The following CAMSAP2 variants were observed in gnomAD, a reference collection of about 807,000 sequenced individuals.
The protein encoded by CAMSAP2 is calmodulin-regulated spectrin-associated protein 2.
A neutral mutation model predicts 146.1 loss-of-function variants in CAMSAP2; 26 were observed. The observed-to-expected ratio is 0.18, with a 90% CI of 0.13 to 0.25. The LOEUF (loss-of-function observed/expected upper bound fraction) is 0.25, where lower values mean the gene tolerates loss of function less well. Among genes scored for constraint, CAMSAP2 ranks in the 10% least tolerant of loss-of-function variants. The pLI, the probability that CAMSAP2 is intolerant of heterozygous loss-of-function variation, is 1.00. For missense variants in CAMSAP2, 1,381 were observed against 1,759.3 expected (o/e 0.78, Z 3.85); for synonymous variants, 499 against 596.6 (o/e 0.84, Z 2.38).
chr1:200,828,264 A>G (rs1666953142), intron 4 of CAMSAP2, among the ~76,000 whole-genome samples: 1 of 152,148 alleles, frequency 6.6e-6, no homozygotes, highest in South Asian at 2.1e-4. Flanking sequence ...TTATTTTTTA[A>G]TATGACATAT....
rs192595264 is a variant in CAMSAP2, at chr1:200,843,941, G to A, written c.1022-841G>A. On this transcript the variant is annotated intron_variant, in intron 7 of 16. Coordinates refer to ENST00000358823, the MANE Select transcript of CAMSAP2 (RefSeq NM_203459.4). The stretch of plus-strand genomic sequence containing the variant: ...GGCTGGAGTGCAGTGGCACAATCTC[G>A]GCTCACTGCAGGCTCCATCTCCCAG... 2.7e-3 allele frequency among the ~76,000 whole-genome samples: 409 copies of A among 151,686 alleles called. 3 individuals are homozygous for A. The highest frequency in any genetic ancestry group is 9.0e-3 in the African/African-American group (373 of 41,344).
intron 2 of CAMSAP2, among the ~76,000 whole-genome samples, chr1:200,784,188 A>G (rs1277571560): frequency 6.6e-6 from 1 of 152,156 alleles, no homozygotes; most frequent in East Asian, 1.9e-4. Context: ...TAGCTTCATA[A>G]TAAGTCTTGA....
intron 4 of CAMSAP2, among the ~76,000 whole-genome samples, chr1:200,828,078 C>T (rs1188856646): frequency 6.6e-6 from 1 of 151,972 alleles, no homozygotes; most frequent in Non-Finnish European, 1.5e-5. Flanking sequence ...AGGAAATGAT[C>T]ATCTTGATAT....
chr1:200,838,726 A>T (rs1272234297), intron 6 of CAMSAP2, among the ~76,000 whole-genome samples: 15 of 152,338 alleles, frequency 9.8e-5, no homozygotes, highest in Non-Finnish European at 1.5e-5. Context: ...CTCAAGAGCA[A>T]TGGAAAGAGA....
At chr1:200,768,574 G>A (rs1162203925) in intron 2 of CAMSAP2, among the ~76,000 whole-genome samples, 1 of 152,164 alleles carries the variant, frequency 6.6e-6, no homozygotes, top group Non-Finnish European at 1.5e-5. Flanking sequence ...CCACTTAGGA[G>A]GCTGTTGAAA....
In CAMSAP2 at chr1:200,842,008, G is replaced by A. The variant is rs1667334812; in HGVS notation, c.942G>A (p.Val314=). The A allele has an allele frequency of 2.5e-6, 4 of 1,612,874 alleles. No homozygotes were observed. Among genetic ancestry groups the A allele is most frequent in the African/African-American group, 1.3e-5 (1 of 74,894 alleles). The change falls in exon 7 of 17, where the codon GTG becomes GTA. Residue 314 remains valine, a synonymous_variant. Coordinates refer to ENST00000358823, the MANE Select transcript of CAMSAP2 (RefSeq NM_203459.4). ...AASSIKSNYL[V]FMAELFWWFE... is the part of the protein sequence containing the mutation. The stretch of plus-strand genomic sequence containing the variant: ...TTCCTATATAGAGTAATTATTTGGT[G>A]TTCATGGCGGAACTGTTCTGGTGGT...
In CAMSAP2 at chr1:200,848,322, A is replaced by G. The variant is rs1172303216; in HGVS notation, c.1553A>G (p.Lys518Arg). 1.2e-6 allele frequency: 2 copies of G among 1,613,876 alleles called. No homozygotes were observed. The highest frequency in any genetic ancestry group is 4.5e-5 in the East Asian group (2 of 44,860). Reference sequence around the variant, plus strand: ...AATTCTAATGAGAATATTCATTACAAGCTTCCAAATGGAGCTTTACAAAAT... The same window carrying G: ...AATTCTAATGAGAATATTCATTACAGGCTTCCAAATGGAGCTTTACAAAAT... ...ELNSNENIHY[K>R]LPNGALQNRI... is the part of the protein sequence containing the mutation. Residue 518 changes from lysine to arginine, a missense_variant, in exon 11 of 17, where the codon AAG becomes AGG. Coordinates refer to ENST00000358823, the MANE Select transcript of CAMSAP2 (RefSeq NM_203459.4).
At chr1:200,741,019 G>C (rs2102981187) in intron 1 of CAMSAP2, among the ~76,000 whole-genome samples, 1 of 152,160 alleles carries the variant, frequency 6.6e-6, no homozygotes, top group South Asian at 2.1e-4. Context: ...TCAGGGGGAG[G>C]GTGACTAATT....
chr1:200,753,837 C>G (rs901446840), intron 1 of CAMSAP2, among the ~76,000 whole-genome samples: 1 of 152,204 alleles, frequency 6.6e-6, no homozygotes, highest in Non-Finnish European at 1.5e-5. Flanking sequence ...AGTTGTCTCT[C>G]TGTCAGCAGA....
At chr1:200,803,757 C>G (rs1236203613) in intron 2 of CAMSAP2, among the ~76,000 whole-genome samples, 1 of 152,048 alleles carries the variant, frequency 6.6e-6, no homozygotes, top group Non-Finnish European at 1.5e-5. Context: ...GAGCTTTGTT[C>G]TGAAAATGTA....
intron 2 of CAMSAP2, among the ~76,000 whole-genome samples, chr1:200,771,287 G>C (rs988355032): frequency 6.6e-6 from 1 of 152,016 alleles, no homozygotes; most frequent in East Asian, 1.9e-4. Flanking sequence ...ACTTTGCAAA[G>C]TAATTTTTTA....
At chr1:200,787,614 G>C (rs763211292) in intron 2 of CAMSAP2, among the ~76,000 whole-genome samples, 2 of 152,184 alleles carry the variant, frequency 1.3e-5, no homozygotes, top group Non-Finnish European at 2.9e-5. Flanking sequence ...AACAAACAAT[G>C]GATTTACAGT....
At chr1:200,826,100 G>C (rs535267101) in intron 4 of CAMSAP2, among the ~76,000 whole-genome samples, 1 of 152,042 alleles carries the variant, frequency 6.6e-6, no homozygotes, top group Non-Finnish European at 1.5e-5. Flanking sequence ...TTCCATCAGC[G>C]ATTCGGCATA....
chr1:200,793,361 T>C (rs1665804419), intron 2 of CAMSAP2, among the ~76,000 whole-genome samples: 1 of 152,172 alleles, frequency 6.6e-6, no homozygotes, highest in South Asian at 2.1e-4. Context: ...TACTTCTATT[T>C]CTAGGGTGTT....
At chr1:200,752,152 A>G (rs1364442032) in intron 1 of CAMSAP2, among the ~76,000 whole-genome samples, 12 of 151,408 alleles carry the variant, frequency 7.9e-5, no homozygotes, top group Admixed American at 6.6e-4. Context: ...CGTTGGGGGA[A>G]AAAAAGCATT....
chr1:200,838,760 T>C (rs1200314915), intron 6 of CAMSAP2, among the ~76,000 whole-genome samples: 1 of 152,198 alleles, frequency 6.6e-6, no homozygotes, highest in Non-Finnish European at 1.5e-5. Flanking sequence ...AAGTTTGTTT[T>C]CTTAGCAAGC....
intron 2 of CAMSAP2, among the ~76,000 whole-genome samples, chr1:200,789,756 G>A (rs1268723754): frequency 6.6e-6 from 1 of 152,068 alleles, no homozygotes; most frequent in Admixed American, 6.6e-5. Flanking sequence ...GGAAAAACCG[G>A]TATCTTGATG....
intron 1 of CAMSAP2, among the ~76,000 whole-genome samples, chr1:200,751,231 C>T (rs1664497770): frequency 1.3e-5 from 2 of 151,292 alleles, no homozygotes; most frequent in South Asian, 2.1e-4. Context: ...TGTGTGTGTG[C>T]TTGCATATAT....
chr1:200,740,267 G>A (rs1414625533), intron 1 of CAMSAP2, among the ~76,000 whole-genome samples: 2 of 151,284 alleles, frequency 1.3e-5, no homozygotes, highest in African/African-American at 2.4e-5. Flanking sequence ...TTTGATTTGT[G>A]GTATTTTCTT....
Sources: gnomAD v4.1 joint callset for allele counts (sites outside exome capture counted in the v4.1 genomes callset) on GRCh38, gnomAD v4.1.1 for gene constraint, MANE v1.5 for transcripts, NCBI Gene and HGNC (gene_info 2026-07-23, HGNC 2026-07-21) for gene names.